MBNL2: variants seen among roughly 807,000 people sequenced by gnomAD.
MBNL2 encodes the protein muscleblind-like protein 2.
In MBNL2, 17 loss-of-function variants were observed where a neutral mutation model predicts 41.9. That is an observed-to-expected ratio of 0.41 (90% CI 0.28 to 0.61). The LOEUF (loss-of-function observed/expected upper bound fraction) is 0.61. MBNL2 is among the 20% of genes least tolerant of loss of function. The pLI is 0.35. For synonymous variants in MBNL2, 195 were observed against 182.9 expected, an observed-to-expected ratio of 1.07 and a Z score of -0.53; for missense variants, 336 against 505.6, an observed-to-expected ratio of 0.66 and a Z score of 3.22.
At chr13:97,195,618 C>A in the MBNL2 span, among the ~76,000 whole-genome samples, 2 of 152,056 alleles carry the variant, frequency 1.3e-5, no homozygotes, top group African/African-American at 4.8e-5. Context: ...TTCAATATGG[C>A]ATATAGGGTG....
intron 2 of MBNL2, among the ~76,000 whole-genome samples, chr13:97,281,437 G>A (rs2053405399): frequency 6.6e-6 from 1 of 152,072 alleles, no homozygotes; most frequent in South Asian, 2.1e-4. Context: ...TCCTCTTCAG[G>A]GTAATTCAAG....
intron 8 of MBNL2, among the ~76,000 whole-genome samples, chr13:97,371,126 T>C (rs919693253): frequency 6.6e-6 from 1 of 152,242 alleles, no homozygotes; most frequent in African/African-American, 2.4e-5. Context: ...ATTATTATAA[T>C]ATTCTAAGTT....
At chr13:97,344,911 T>C (rs1280759446) in intron 4 of MBNL2, among the ~76,000 whole-genome samples, 4 of 152,236 alleles carry the variant, frequency 2.6e-5, no homozygotes, top group African/African-American at 9.6e-5. Context: ...TGAAGTCAGC[T>C]GCACACAAAG....
At chr13:97,186,258 A>G in the MBNL2 span, among the ~76,000 whole-genome samples, 1 of 152,172 alleles carries the variant, frequency 6.6e-6, no homozygotes, top group Admixed American at 6.5e-5. Flanking sequence ...AGTTCAACAC[A>G]TCTGAAACTG....
chr13:97,292,815 A>G (rs1478302735), intron 2 of MBNL2, among the ~76,000 whole-genome samples: 2 of 150,802 alleles, frequency 1.3e-5, no homozygotes, highest in Admixed American at 1.3e-4. Flanking sequence ...CTTGATTTAC[A>G]TTTTTCTCAG....
the MBNL2 span, among the ~76,000 whole-genome samples, chr13:97,184,793 A>G: frequency 2.0e-5 from 3 of 152,070 alleles, no homozygotes; most frequent in Non-Finnish European, 4.4e-5. Flanking sequence ...TGACTCCTCC[A>G]TTTTCACTGT....
At chr13:97,261,141 T>C (rs953156509) in intron 1 of MBNL2, among the ~76,000 whole-genome samples, 18 of 151,930 alleles carry the variant, frequency 1.2e-4, no homozygotes, top group African/African-American at 4.1e-4. Context: ...TTCATTCCGA[T>C]AGAAAGGAAG....
the MBNL2 span, among the ~76,000 whole-genome samples, chr13:97,155,189 A>G: frequency 6.6e-6 from 1 of 151,704 alleles, no homozygotes; most frequent in Non-Finnish European, 1.5e-5. Context: ...TTTTGTAGCT[A>G]TTTTCCATTG....
At chr13:97,287,918 G>GTTTTGTTTTGTTTTTT (rs2054901165) in intron 2 of MBNL2, among the ~76,000 whole-genome samples, 1 of 124,630 alleles carries the variant, frequency 8.0e-6, no homozygotes, top group African/African-American at 3.5e-5. Context: ...CTAATTTTCT[G>GTTTTGTTTTGTTTTTT]TTTTTTTTTT....
At chr13:97,350,680 G>A (rs9584560) in intron 5 of MBNL2, among the ~76,000 whole-genome samples, 39,631 of 152,136 alleles carry the variant, frequency 0.26, 5,347 homozygotes, top group Non-Finnish European at 0.3. Flanking sequence ...TCCATAAAGC[G>A]ACTCCTCAAC....
At chr13:97,254,886 A>T (rs1006648440) in intron 1 of MBNL2, among the ~76,000 whole-genome samples, 6 of 152,212 alleles carry the variant, frequency 3.9e-5, no homozygotes, top group African/African-American at 1.4e-4. Context: ...ATTTCAAGCA[A>T]ATAAATCAGT....
At chr13:97,152,275 T>C in the MBNL2 span, among the ~76,000 whole-genome samples, 1 of 151,732 alleles carries the variant, frequency 6.6e-6, no homozygotes, top group Non-Finnish European at 1.5e-5. Context: ...AGGCAATAAA[T>C]GAATGAGGGA....
At chr13:97,250,836 C>CA (rs1380726237) in intron 1 of MBNL2, among the ~76,000 whole-genome samples, 1 of 152,146 alleles carries the variant, frequency 6.6e-6, no homozygotes, top group Non-Finnish European at 1.5e-5. Flanking sequence ...CTCAGTGGTA[C>CA]AGCAGCTTCA....
chr13:97,239,834 T>C (rs1441561646), intron 1 of MBNL2, among the ~76,000 whole-genome samples: 1 of 152,212 alleles, frequency 6.6e-6, no homozygotes, highest in Non-Finnish European at 1.5e-5. Flanking sequence ...ATTGACCTAT[T>C]TCTTTGCCCT....
At chr13:97,222,120 GT>G (rs2040909636), upstream of MBNL2, among the ~76,000 whole-genome samples, 1 of 152,058 alleles carries the variant, frequency 6.6e-6, no homozygotes. Flanking sequence ...CTTTGTCTTG[GT>G]GCTATGATTG....
In MBNL2 at chr13:97,328,037, G is replaced by T. The variant is rs113605847; in HGVS notation, c.175-6239G>T. On this transcript the variant is annotated intron_variant, in intron 2 of 8. Transcript: ENST00000679496. ...TTAATCCTTATTGAAAGTCCGTGAG[G>T]CAGAAACTATTCTTAGCCCCATTTC... 1.5e-3 allele frequency among the ~76,000 whole-genome samples: 235 copies of T among 152,230 alleles called. 3 individuals carry two copies. The highest frequency in any genetic ancestry group is 5.4e-3 in the African/African-American group (226 of 41,540).
At chr13:97,269,739 G>A (rs1175648970) in intron 1 of MBNL2, among the ~76,000 whole-genome samples, 1 of 152,126 alleles carries the variant, frequency 6.6e-6, no homozygotes, top group Non-Finnish European at 1.5e-5. Context: ...TAAAGGCGGT[G>A]TGAGAAGTGA....
the MBNL2 span, among the ~76,000 whole-genome samples, chr13:97,194,356 G>A: frequency 0.017 from 2,573 of 152,180 alleles, 68 homozygotes; most frequent in African/African-American, 0.058. Context: ...TTGTTAAGTG[G>A]CCAAATGAAT....
the MBNL2 span, among the ~76,000 whole-genome samples, chr13:97,165,480 T>G: frequency 1.3e-5 from 2 of 152,320 alleles, no homozygotes; most frequent in South Asian, 4.1e-4. Flanking sequence ...CCTTTAGTTC[T>G]GAATTAATTA....
Sources: gnomAD v4.1 joint callset for allele counts (sites outside exome capture counted in the v4.1 genomes callset) on GRCh38, gnomAD v4.1.1 for gene constraint, MANE v1.5 for transcripts, NCBI Gene and HGNC (gene_info 2026-07-23, HGNC 2026-07-21) for gene names.